The following PCM1 variants were observed in gnomAD, a reference collection of about 807,000 sequenced individuals.
The protein encoded by PCM1 is pericentriolar material 1 protein.
In PCM1, 157 loss-of-function variants were observed where a neutral mutation model predicts 241.9. The observed-to-expected ratio is 0.65, with a 90% CI of 0.57 to 0.74. The LOEUF (loss-of-function observed/expected upper bound fraction) is 0.74, where lower values mean the gene tolerates loss of function less well. Among genes scored for constraint, PCM1 ranks in the 30% least tolerant of loss-of-function variants. The probability of loss-of-function intolerance (pLI) is 0.00; values close to 1 mark genes in which losing one functional copy is unlikely to be tolerated. For synonymous variants in PCM1, 1,085 were observed against 784.9 expected (o/e 1.38, Z -6.39); for missense variants, 3,478 against 2,360.1 (o/e 1.47, Z -9.81).
intron 36 of PCM1, among the ~76,000 whole-genome samples, chr8:18,019,966 G>A (rs2093627683): frequency 6.6e-6 from 1 of 152,126 alleles, no homozygotes. Flanking sequence ...GAGTTCATTG[G>A]TCTTATGGGA....
At chr8:18,017,186 A>AAAAG (rs1283670546) in intron 36 of PCM1, among the ~76,000 whole-genome samples, 3 of 152,222 alleles carry the variant, frequency 2.0e-5, no homozygotes, top group African/African-American at 4.8e-5. Context: ...GTCTTTCCAC[A>AAAAG]AAAGATTGAC....
At chr8:17,953,688 A>G (rs2066920842) in intron 9 of PCM1, among the ~76,000 whole-genome samples, 1 of 152,226 alleles carries the variant, frequency 6.6e-6, no homozygotes, top group Non-Finnish European at 1.5e-5. Flanking sequence ...TTTAAAAAAT[A>G]TATAAATAAT....
intron 23 of PCM1, 41 bp downstream of exon 23, chr8:17,972,728 T>C: frequency 1.6e-6 from 2 of 1,277,308 alleles, no homozygotes; most frequent in Non-Finnish European, 2.1e-6. Flanking sequence ...AGTGTAAATT[T>C]TGGTAATCTT....
chr8:17,947,896 G>A (rs2064423620), intron 7 of PCM1, among the ~76,000 whole-genome samples: 1 of 152,134 alleles, frequency 6.6e-6, no homozygotes, highest in Admixed American at 6.5e-5. Context: ...GTAAGACTCA[G>A]AAATTTTCTT....
At chr8:17,936,592 T>G (rs565703735) in intron 3 of PCM1, among the ~76,000 whole-genome samples, 9 of 152,324 alleles carry the variant, frequency 5.9e-5, no homozygotes, top group African/African-American at 2.2e-4. Flanking sequence ...TGCTAGGTAC[T>G]AATTAGTTTT....
At chr8:17,949,482 A>T (rs1454674529) in intron 7 of PCM1, among the ~76,000 whole-genome samples, 1 of 151,116 alleles carries the variant, frequency 6.6e-6, no homozygotes, top group Non-Finnish European at 1.5e-5. Flanking sequence ...TTTATAACTA[A>T]TTGTCTTTTT....
At chr8:17,982,257 C>T (rs1055625618) in intron 24 of PCM1, among the ~76,000 whole-genome samples, 83 of 152,100 alleles carry the variant, frequency 5.5e-4, no homozygotes, top group African/African-American at 2.0e-3. Flanking sequence ...TCTCCTTTTA[C>T]TCTCTACCAA....
intron 36 of PCM1, 142 bp downstream of exon 36, chr8:18,014,982 T>A: frequency 5.7e-6 from 4 of 707,808 alleles, no homozygotes; most frequent in Non-Finnish European, 9.0e-6. Context: ...ATTCACACTT[T>A]AACTTTAGCA....
At chr8:17,928,052 T>A (rs1408272634) in intron 2 of PCM1, 2 of 152,012 alleles carry the variant, frequency 1.3e-5, no homozygotes, top group Non-Finnish European at 2.9e-5. Flanking sequence ...GTGTTTAAAG[T>A]AGAAGGATTT....
chr8:17,935,070 C>A (rs1438515364), intron 2 of PCM1, among the ~76,000 whole-genome samples: 1 of 152,188 alleles, frequency 6.6e-6, no homozygotes, highest in Non-Finnish European at 1.5e-5. Flanking sequence ...CTTTCCCTAC[C>A]TTCTTATCAT....
chr8:17,973,363 T>C lies in PCM1; in HGVS notation c.3943+676T>C, dbSNP rs1186676733. Among the ~76,000 whole-genome samples, 3 of 152,136 alleles carry C rather than the reference T, an allele frequency of 2.0e-5. No homozygotes were observed. The East Asian group carries it at 5.8e-4, about 29-fold the overall frequency. ...AGTGTTACAGCTGAAGGATATTCTTTTTATGTTTGCAAAGGATGGGCTATG... is the reference window on the plus strand; with the variant it reads ...AGTGTTACAGCTGAAGGATATTCTTCTTATGTTTGCAAAGGATGGGCTATG... On this transcript the variant is annotated intron_variant, in intron 23 of 38. Coordinates refer to ENST00000325083, the MANE Select transcript of PCM1 (RefSeq NM_006197.4).
At chr8:18,022,805 T>A (rs1262176917) in intron 36 of PCM1, among the ~76,000 whole-genome samples, 2 of 152,176 alleles carry the variant, frequency 1.3e-5, no homozygotes, top group Non-Finnish European at 2.9e-5. Context: ...TACCCTTGAC[T>A]ATATTAGTAG....
chr8:17,983,213 A>T lies in PCM1; in HGVS notation c.4109-2234A>T, dbSNP rs777715980. Reference sequence around the variant, plus strand: ...TCATACACATTTTATGTTCATCCTTATGTCTGCCCTTTCCTACAGCACATG... The same window carrying T: ...TCATACACATTTTATGTTCATCCTTTTGTCTGCCCTTTCCTACAGCACATG... On this transcript the variant is annotated intron_variant, in intron 24 of 38. Coordinates refer to ENST00000325083, the MANE Select transcript of PCM1 (RefSeq NM_006197.4). The T allele has an allele frequency of 6.2e-6, 8 of 1,295,574 alleles. No individual in the cohort carries two copies. In the South Asian group the frequency reaches 6.3e-5, roughly 10 times the overall value. 80.3% of individuals were successfully genotyped at this position (1,295,574 alleles called of 1,614,324 possible).
chr8:17,977,197 A>G (rs1459453841), intron 23 of PCM1, among the ~76,000 whole-genome samples: 1 of 152,148 alleles, frequency 6.6e-6, no homozygotes, highest in Non-Finnish European at 1.5e-5. Flanking sequence ...GTCATTTTAC[A>G]TATTGCTTTT....
intron 10 of PCM1, 55 bp downstream of exon 10, chr8:17,955,708 G>A (rs937787915): frequency 9.3e-7 from 1 of 1,076,480 alleles, no homozygotes. Flanking sequence ...GATAAATTCT[G>A]TTTTTTTTTT....
intron 23 of PCM1, among the ~76,000 whole-genome samples, chr8:17,977,176 C>T (rs902301276): frequency 6.6e-6 from 1 of 152,086 alleles, no homozygotes; most frequent in African/African-American, 2.4e-5. Flanking sequence ...AGCAATAGTA[C>T]TACCAGTCAT....
At chr8:18,018,877 TATACACACAC>T (rs2093502956) in intron 36 of PCM1, among the ~76,000 whole-genome samples, 2 of 38,748 alleles carry the variant, frequency 5.2e-5, no homozygotes, top group African/African-American at 1.3e-4. Context: ...TATATATATA[TATACACACAC>T]ATATACATAC....
In PCM1 at chr8:17,938,731, C is replaced by T; in HGVS notation, c.343-9C>T. 1 of 1,600,126 alleles carries T rather than the reference C, an allele frequency of 6.2e-7. No individual in the cohort carries two copies. Among genetic ancestry groups the T allele is most frequent in the South Asian group, 1.1e-5 (1 of 90,460 alleles). On this transcript the variant is annotated splice_polypyrimidine_tract_variant and intron_variant, in intron 4 of 38. Transcript: ENST00000325083. ...TGTTTGTGTGATTTGATTTCTTTTT[C>T]ATATATAGAGAAGCATTGGAAGTGA...
At chr8:17,972,717 C>A in intron 23 of PCM1, 30 bp downstream of exon 23, 1 of 1,373,194 alleles carries the variant, frequency 7.3e-7, no homozygotes, top group South Asian at 1.6e-5. Flanking sequence ...GAATGTTGAT[C>A]AGTGTAAATT....
Sources: allele counts gnomAD v4.1 joint callset (sites outside exome capture counted in the v4.1 genomes callset), GRCh38; gene constraint gnomAD v4.1.1; transcripts MANE v1.5; gene names NCBI Gene and HGNC (gene_info 2026-07-23, HGNC 2026-07-21).